Variants in ARIH1 observed in about 807,000 individuals in gnomAD.
ARIH1 encodes E3 ubiquitin-protein ligase ARIH1.
Under a neutral mutation model 85.0 loss-of-function variants are expected in ARIH1, and 8 were observed. The ratio of observed to expected loss-of-function variants is 0.09; its 90% CI spans 0.06 to 0.17. The LOEUF (loss-of-function observed/expected upper bound fraction) is 0.17, where lower values mean the gene tolerates loss of function less well. Ranked by LOEUF, ARIH1 falls within the 10% of genes least tolerant of loss-of-function variation. The pLI, the probability that ARIH1 is intolerant of heterozygous loss-of-function variation, is 1.00. For missense variants in ARIH1, 311 were observed against 718.1 expected (o/e 0.43, Z 6.48); for synonymous variants, 238 against 253.6 (o/e 0.94, Z 0.59).
chr15:72,566,701 G>A, intron 8 of ARIH1, 96 bp downstream of exon 8: 1 of 1,069,310 alleles, frequency 9.4e-7, no homozygotes, highest in Non-Finnish European at 1.3e-6. Flanking sequence ...TCTATCTATT[G>A]ATAGATTTTT....
chr15:72,592,341 A>G lies in ARIH1; in HGVS notation c.*9049A>G, dbSNP rs2064346519. ...GATTGGAGCCCAAAAATCTCACTGA[A>G]GCAAAGAGATAATAGGCCAGTAAAG... On this transcript the variant is annotated 3_prime_UTR_variant, in exon 14 of 14. Transcript: ENST00000379887. The G allele has an allele frequency of 6.6e-6, 1 of 152,236 alleles. No homozygotes were observed. Among genetic ancestry groups the G allele is most frequent in the South Asian group, 2.1e-4 (1 of 4,832 alleles). 9.4% of individuals were successfully genotyped at this position (152,236 alleles called of 1,614,324 possible).
intron 2 of ARIH1, among the ~76,000 whole-genome samples, chr15:72,528,576 G>A (rs375687516): frequency 1.9e-4 from 29 of 152,230 alleles, no homozygotes; most frequent in East Asian, 7.7e-4. Context: ...ATCCACGGCC[G>A]GGCACAGTGG....
chr15:72,487,852 A>G (rs186049723), intron 1 of ARIH1, among the ~76,000 whole-genome samples: 7 of 152,216 alleles, frequency 4.6e-5, no homozygotes, highest in Admixed American at 3.3e-4. Flanking sequence ...ACTCCTTACT[A>G]TGGCATTCAT....
At chr15:72,479,971 C>T (rs945974584) in intron 1 of ARIH1, among the ~76,000 whole-genome samples, 4 of 151,380 alleles carry the variant, frequency 2.6e-5, no homozygotes, top group African/African-American at 9.7e-5. Flanking sequence ...GGGTTCACGC[C>T]ATTCTTCTGC....
chr15:72,505,026 A>C (rs781306399), intron 1 of ARIH1, among the ~76,000 whole-genome samples: 3 of 152,218 alleles, frequency 2.0e-5, no homozygotes, highest in Admixed American at 6.5e-5. Context: ...GAGAATTTGG[A>C]AATGAAACCA....
rs933931058 is a variant in ARIH1 at position 72,585,741 on chromosome 15, T to A, written c.*2449T>A. 2.6e-5 allele frequency: 4 copies of A among 152,180 alleles called. No homozygotes were observed. Among genetic ancestry groups the A allele is most frequent in the Non-Finnish European group, 4.4e-5 (3 of 68,044 alleles). The allele number at this position is 152,180 out of a possible 1,614,324, so 9.4% of individuals were successfully genotyped here. A position where few individuals can be genotyped will look rare whatever the true frequency, so the allele number is the denominator to read the frequency against. ...GCAGTTGTGGGTGCATTCCCTAATTTGTATGATCAAGATGAACTGGCCCTT... is the reference window on the plus strand; with the variant it reads ...GCAGTTGTGGGTGCATTCCCTAATTAGTATGATCAAGATGAACTGGCCCTT... On this transcript the variant is annotated 3_prime_UTR_variant, in exon 14 of 14. Transcript: ENST00000379887.
rs1007712899 is a variant in ARIH1, at chr15:72,590,568, T to A, written c.*7276T>A. 2 of 108,130 alleles carry A rather than the reference T, an allele frequency of 1.8e-5. No homozygotes were observed. The highest frequency in any genetic ancestry group is 4.5e-5 in the Non-Finnish European group (2 of 44,880). 6.7% of individuals were successfully genotyped at this position (108,130 alleles called of 1,614,324 possible). A position where few individuals can be genotyped will look rare whatever the true frequency, so the allele number is the denominator to read the frequency against. On this transcript the variant is annotated 3_prime_UTR_variant, in exon 14 of 14. Coordinates refer to ENST00000379887, the MANE Select transcript of ARIH1 (RefSeq NM_005744.5). ...CTTTGATCTGATGACATGGGCTTTT[T>A]AAAAGATTACTATTTTTTTAGAGGT...
intron 1 of ARIH1, among the ~76,000 whole-genome samples, chr15:72,501,719 T>G (rs1473324359): frequency 1.3e-5 from 2 of 152,166 alleles, no homozygotes; most frequent in Non-Finnish European, 2.9e-5. Context: ...AACTGAAAGG[T>G]TACAAAATAA....
At chr15:72,562,329 A>C (rs1328131688) in intron 6 of ARIH1, among the ~76,000 whole-genome samples, 5 of 152,208 alleles carry the variant, frequency 3.3e-5, no homozygotes, top group African/African-American at 1.2e-4. Flanking sequence ...CAAAACCAAA[A>C]TTCTTTACCC....
intron 2 of ARIH1, among the ~76,000 whole-genome samples, chr15:72,527,542 A>G (rs2064035957): frequency 6.6e-6 from 1 of 151,520 alleles, no homozygotes; most frequent in Non-Finnish European, 1.5e-5. Flanking sequence ...GTCTGTTCTC[A>G]TATTACACTT....
chr15:72,496,905 C>T, intron 1 of ARIH1: 1 of 951,114 alleles, frequency 1.1e-6, no homozygotes, highest in Non-Finnish European at 1.3e-6. Context: ...GACCATTAAA[C>T]ACACATACTT....
intron 1 of ARIH1, among the ~76,000 whole-genome samples, chr15:72,493,103 C>T (rs1394827986): frequency 6.6e-6 from 1 of 152,136 alleles, no homozygotes; most frequent in Non-Finnish European, 1.5e-5. Flanking sequence ...TTCCAGAAGA[C>T]CTCTGATTTA....
intron 9 of ARIH1, among the ~76,000 whole-genome samples, chr15:72,568,638 T>C (rs78574393): frequency 0.012 from 1,784 of 152,290 alleles, 29 homozygotes; most frequent in African/African-American, 0.04. Context: ...TAAACAGATA[T>C]GCATATTGTC....
chr15:72,582,247 A>G lies in ARIH1; in HGVS notation c.1589+60A>G. On this transcript the variant is annotated intron_variant, in intron 13 of 13. Transcript: ENST00000379887. This position sits in a 1 kb window ranked among gnomAD's most constrained non-coding sequence, Gnocchi z 4.6. The stretch of plus-strand genomic sequence containing the variant: ...TGCCAGTGATGATCCTTACTGGTAA[A>G]GTTCAGTGATAGTGAAACTGGGTTT... 8.5e-7 allele frequency: 1 copy of G among 1,183,104 alleles called. No homozygotes were observed. The highest frequency in any genetic ancestry group is 1.2e-6 in the Non-Finnish European group (1 of 809,778). 73.3% of individuals were successfully genotyped at this position (1,183,104 alleles called of 1,614,324 possible).
At chr15:72,574,889 G>T (rs1197946385) in intron 11 of ARIH1, among the ~76,000 whole-genome samples, 1 of 143,592 alleles carries the variant, frequency 7.0e-6, no homozygotes, top group African/African-American at 2.5e-5. Flanking sequence ...GAGCAACATA[G>T]TAAGACCCCC....
chr15:72,549,461 T>C (rs946950343), intron 3 of ARIH1, among the ~76,000 whole-genome samples: 5 of 152,246 alleles, frequency 3.3e-5, no homozygotes, highest in Admixed American at 6.5e-5. Flanking sequence ...AAAGGCAGAG[T>C]TGAAATTGTG....
chr15:72,510,481 T>C (rs912257462), intron 1 of ARIH1, among the ~76,000 whole-genome samples: 6 of 151,948 alleles, frequency 3.9e-5, no homozygotes, highest in African/African-American at 1.5e-4. Flanking sequence ...ATCTTAATTA[T>C]TCCAGTACTA....
chr15:72,531,763 C>T (rs942892416), intron 2 of ARIH1, among the ~76,000 whole-genome samples: 9 of 152,054 alleles, frequency 5.9e-5, no homozygotes, highest in Non-Finnish European at 2.9e-5. Context: ...GAAAATAAAC[C>T]TTACCTAGAA....
At chr15:72,501,902 C>T (rs1381446315) in intron 1 of ARIH1, among the ~76,000 whole-genome samples, 1 of 151,910 alleles carries the variant, frequency 6.6e-6, no homozygotes, top group African/African-American at 2.4e-5. Flanking sequence ...CTTTTTTGCC[C>T]CTATAAGGAA....
Sources: allele counts gnomAD v4.1 joint callset (sites outside exome capture counted in the v4.1 genomes callset), GRCh38; gene constraint gnomAD v4.1.1; non-coding constraint Gnocchi (gnomAD v3.1); transcripts MANE v1.5; gene names NCBI Gene and HGNC (gene_info 2026-07-23, HGNC 2026-07-21).